Variants in LRRC56 observed in about 807,000 individuals in gnomAD.
LRRC56 encodes leucine rich repeat containing 56, also known as leucine-rich repeat-containing protein 56.
A neutral mutation model predicts 47.8 loss-of-function variants in LRRC56; 41 were observed. That is an observed-to-expected ratio of 0.86 (90% CI 0.67 to 1.11). The LOEUF is 1.11. Among genes scored for constraint, LRRC56 ranks in the 50% most tolerant of loss-of-function variants. The pLI is 0.00. For missense variants in LRRC56, 759 were observed against 704.2 expected (o/e 1.08, Z -0.88); for synonymous variants, 387 against 311.2 (o/e 1.24, Z -2.56).
upstream of LRRC56, chr11:533,998 C>A (rs1172872020): frequency 6.4e-7 from 1 of 1,574,666 alleles, no homozygotes; most frequent in Non-Finnish European, 8.7e-7. Flanking sequence ...GGGGGGAGTT[C>A]ACACAGCCAG....
At chr11:530,144 G>A in the LRRC56 span, among the ~76,000 whole-genome samples, 11 of 152,072 alleles carry the variant, frequency 7.2e-5, no homozygotes, top group Admixed American at 6.5e-4. Flanking sequence ...ACCCCTCCAC[G>A]TCTGTCCTGG....
rs1007578502 is a variant in LRRC56, at chr11:552,210, G to C, written c.1159G>C (p.Ala387Pro). 14 of 1,612,016 alleles carry C rather than the reference G, an allele frequency of 8.7e-6. No homozygotes were observed. ...SDFLALAGLRAWREHGVRPLP... is the reference protein window; with the variant it reads ...SDFLALAGLRPWREHGVRPLP... ...CTTCCTGGCCTTGGCTGGGCTCAGG[G>C]CCTGGAGGGAACATGGCGTGCGGTG... Residue 387 changes from alanine to proline, a missense_variant, in exon 12 of 14, where the codon GCC becomes CCC. Ala to Pro is a conservative substitution (Grantham distance 27). Transcript: ENST00000270115.
At chr11:538,399 T>C (rs1342833573) in intron 1 of LRRC56, among the ~76,000 whole-genome samples, 199 bp from the exon 2 acceptor site, 1 of 152,130 alleles carries the variant, frequency 6.6e-6, no homozygotes, top group Non-Finnish European at 1.5e-5. Flanking sequence ...GGTCCTGCTG[T>C]GAGGCCTGGG....
At chr11:513,199 A>C in the LRRC56 span, among the ~76,000 whole-genome samples, 2 of 152,216 alleles carry the variant, frequency 1.3e-5, no homozygotes, top group African/African-American at 4.8e-5. Flanking sequence ...AATATCACGC[A>C]GGCTGGAGCG....
intron 6 of LRRC56, among the ~76,000 whole-genome samples, chr11:546,108 TAA>T (rs1219787849): frequency 6.6e-6 from 1 of 151,744 alleles, no homozygotes; most frequent in African/African-American, 2.4e-5. Flanking sequence ...CCATCTCTAC[TAA>T]AAATACAAAA....
chr11:553,307 G>A (rs772868138), intron 13 of LRRC56, among the ~76,000 whole-genome samples: 7 of 152,244 alleles, frequency 4.6e-5, no homozygotes, highest in Middle Eastern at 3.4e-3. Context: ...AAGCAGGGGC[G>A]ACCCCACGGT....
chr11:522,664 G>A, the LRRC56 span, among the ~76,000 whole-genome samples: 1 of 152,312 alleles, frequency 6.6e-6, no homozygotes, highest in South Asian at 2.1e-4. Context: ...CTCCCAAAGT[G>A]CTGGGATTAC....
chr11:550,083 C>T lies in LRRC56; in HGVS notation c.435C>T (p.Ala145=), dbSNP rs767286104. 6.2e-7 allele frequency: 1 copy of T among 1,612,372 alleles called. No individual in the cohort carries two copies. Among genetic ancestry groups the T allele is most frequent in the East Asian group, 2.2e-5 (1 of 44,852 alleles). Residue 145 remains alanine, a synonymous_variant, in exon 8 of 14, where the codon GCC becomes GCT. Coordinates refer to ENST00000270115, the MANE Select transcript of LRRC56 (RefSeq NM_198075.4). ...CCCGCGCTGCCCAGGAACTCTACGC[C>T]TCCTACAACAACATCTCGGACCTGA... ...ASLPALKELY[A]SYNNISDLSP...
rs1430213783 is a variant in LRRC56 at position 539,623 on chromosome 11, C to G, written c.-115C>G. ...GTGTTAGCCAGGATGGTCTCAATCT[C>G]CTGACCTCGTGATCTGCCCGCCGCG... On this transcript the variant is annotated 5_prime_UTR_variant, in exon 3 of 14. Coordinates refer to ENST00000270115, the MANE Select transcript of LRRC56 (RefSeq NM_198075.4). 2 of 150,540 alleles carry G rather than the reference C, an allele frequency of 1.3e-5. No homozygotes were observed. Among genetic ancestry groups the G allele is most frequent in the African/African-American group, 4.9e-5 (2 of 40,730 alleles). 9.3% of individuals were successfully genotyped at this position (150,540 alleles called of 1,614,324 possible).
At chr11:550,487 A>G (rs143031411) in intron 8 of LRRC56, among the ~76,000 whole-genome samples, 2 of 152,278 alleles carry the variant, frequency 1.3e-5, no homozygotes, top group African/African-American at 4.8e-5. Context: ...GGTCACCTGC[A>G]CACACGCCAT....
In LRRC56 at chr11:541,403, G is replaced by A. The variant is rs1199441040; in HGVS notation, c.178-134G>A. The A allele has an allele frequency of 8.2e-6, 4 of 487,576 alleles. No individual in the cohort carries two copies. Among genetic ancestry groups the A allele is most frequent in the Admixed American group, 8.2e-5 (2 of 24,508 alleles). 30.2% of individuals were successfully genotyped at this position (487,576 alleles called of 1,614,324 possible). A position where few individuals can be genotyped will look rare whatever the true frequency, so the allele number is the denominator to read the frequency against. ...ACTCCCATCCCACCACCCAGGCCAG[G>A]GCCAACATGGCCCAGGCAGGGAAAC... On this transcript the variant is annotated intron_variant, in intron 4 of 13. Coordinates refer to ENST00000270115, the MANE Select transcript of LRRC56 (RefSeq NM_198075.4). The surrounding 1 kb of genome is among the most constrained non-coding windows in gnomAD (Gnocchi z 4.1).
Position 554,862 on chromosome 11 carries a change from A to G in LRRC56, c.*586A>G. On this transcript the variant is annotated 3_prime_UTR_variant, in exon 14 of 14. Coordinates refer to ENST00000270115, the MANE Select transcript of LRRC56 (RefSeq NM_198075.4). Reference sequence around the variant, plus strand: ...ACATTTCCAGCTCTCAGGTGTACAGAAATGCGGTTTACTTTGTAGGCCACG... The same window carrying G: ...ACATTTCCAGCTCTCAGGTGTACAGGAATGCGGTTTACTTTGTAGGCCACG... 1.4e-6 allele frequency: 1 copy of G among 711,322 alleles called. No homozygotes were observed. Among genetic ancestry groups the G allele is most frequent in the Non-Finnish European group, 2.2e-6 (1 of 464,990 alleles). The allele number at this position is 711,322 out of a possible 1,614,324, so 44.1% of individuals were successfully genotyped here. A position where few individuals can be genotyped will look rare whatever the true frequency, so the allele number is the denominator to read the frequency against.
chr11:545,713 C>A (rs1306599048), intron 6 of LRRC56, among the ~76,000 whole-genome samples: 1 of 152,192 alleles, frequency 6.6e-6, no homozygotes, highest in Admixed American at 6.5e-5. Flanking sequence ...AGGGAAAGAA[C>A]AAGGCTGAAG....
At chr11:535,527 G>C (rs985664217), upstream of LRRC56, 1 of 147,982 alleles carries the variant, frequency 6.8e-6, no homozygotes, top group Non-Finnish European at 1.5e-5. Context: ...CGGCGGGTGC[G>C]GCTCGGGTTG....
upstream of LRRC56, chr11:534,059 G>T: frequency 7.8e-7 from 1 of 1,274,098 alleles, no homozygotes; most frequent in Non-Finnish European, 1.1e-6. Context: ...CTCCTGGGGT[G>T]CTGAGACGAG....
the LRRC56 span, among the ~76,000 whole-genome samples, chr11:523,235 G>C: frequency 6.6e-6 from 1 of 151,946 alleles, no homozygotes; most frequent in Non-Finnish European, 1.5e-5. Flanking sequence ...CACCACGTTG[G>C]TCATGCTGGT....
chr11:534,369 G>T, upstream of LRRC56: 2 of 1,468,658 alleles, frequency 1.4e-6, no homozygotes, highest in Non-Finnish European at 1.9e-6. Context: ...AGGGTCTCCT[G>T]CCCCACCTGC....
chr11:533,971 C>T (rs1206359985), upstream of LRRC56: 11 of 1,605,516 alleles, frequency 6.9e-6, no homozygotes, highest in Non-Finnish European at 9.3e-6. Context: ...CTCAGGGACC[C>T]CCTCAGGACC....
At chr11:546,884 C>G (rs548598389) in intron 6 of LRRC56, among the ~76,000 whole-genome samples, 8 of 151,614 alleles carry the variant, frequency 5.3e-5, no homozygotes, top group Non-Finnish European at 8.8e-5. Flanking sequence ...AAACCCATCT[C>G]TACTAAAAAT....
Sources: allele counts gnomAD v4.1 joint callset (sites outside exome capture counted in the v4.1 genomes callset), GRCh38; gene constraint gnomAD v4.1.1; non-coding constraint Gnocchi (gnomAD v3.1); transcripts MANE v1.5; gene names NCBI Gene and HGNC (gene_info 2026-07-23, HGNC 2026-07-21).